ITPRID1: variants seen among roughly 807,000 people sequenced by gnomAD.
ITPRID1 encodes protein ITPRID1.
ITPRID1 carries 96 observed loss-of-function variants against 95.4 expected under a neutral mutation model. The ratio of observed to expected loss-of-function variants is 1.01; its 90% confidence interval spans 0.85 to 1.19. ITPRID1 has a LOEUF of 1.19. ITPRID1 is among the 50% of genes most tolerant of loss of function. The probability of loss-of-function intolerance (pLI) is 0.00; values close to 1 mark genes in which losing one functional copy is unlikely to be tolerated. For missense variants in ITPRID1, 1,339 were observed against 1,252.9 expected (o/e 1.07, Z -1.04); for synonymous variants, 510 against 453.6 (o/e 1.12, Z -1.58).
chr7:31,604,510 C>A (rs1786531730), intron 10 of ITPRID1, among the ~76,000 whole-genome samples: 1 of 152,102 alleles, frequency 6.6e-6, no homozygotes, highest in African/African-American at 2.4e-5. Context: ...AGAGAAAACC[C>A]TTCTGTTCTA....
Position 31,578,661 on chromosome 7 carries a change from C to T in ITPRID1, c.1170+227C>T, listed in dbSNP as rs537632182. ...CCAGTATCTTTCCTTTCTTCTTGCT[C>T]GCAGTTGAATCCGTGGGTCATTTCT... On this transcript the variant is annotated intron_variant, in intron 9 of 14. Coordinates refer to ENST00000615280, the MANE Select transcript of ITPRID1 (RefSeq NM_001257967.3). Among the ~76,000 whole-genome samples, 6 of 152,248 alleles carry T rather than the reference C, an allele frequency of 3.9e-5. No homozygotes were observed. The East Asian group carries it at 5.8e-4, about 15-fold the overall frequency.
intron 10 of ITPRID1, among the ~76,000 whole-genome samples, chr7:31,594,783 G>C (rs1202403716): frequency 6.6e-6 from 1 of 151,994 alleles, no homozygotes; most frequent in East Asian, 1.9e-4. Context: ...CTCGAACTTG[G>C]GAGGCAGAGG....
Position 31,522,678 on chromosome 7 carries a change from C to T in ITPRID1, c.-98+8558C>T, listed in dbSNP as rs189142112. On this transcript the variant is annotated intron_variant, in intron 1 of 14. Coordinates refer to ENST00000615280, the MANE Select transcript of ITPRID1 (RefSeq NM_001257967.3). Reference sequence around the variant, plus strand: ...AATGTCTTTCCCTGAATATCCTAGGCATGTTTTCATGATGCTAGGCATTAG... The same window carrying T: ...AATGTCTTTCCCTGAATATCCTAGGTATGTTTTCATGATGCTAGGCATTAG... Among the ~76,000 whole-genome samples the T allele has an allele frequency of 2.6e-3, 396 of 152,248 alleles. 1 individual carries two copies. The highest frequency in any genetic ancestry group is 8.8e-3 in the African/African-American group (367 of 41,540).
intron 1 of ITPRID1, among the ~76,000 whole-genome samples, chr7:31,547,583 A>G (rs1396999968): frequency 6.6e-6 from 1 of 152,086 alleles, no homozygotes; most frequent in East Asian, 1.9e-4. Context: ...CGATATGGGG[A>G]CTATAGGAAC....
At chr7:31,567,938 T>C (rs2128142150) in intron 5 of ITPRID1, among the ~76,000 whole-genome samples, 1 of 152,222 alleles carries the variant, frequency 6.6e-6, no homozygotes, top group African/African-American at 2.4e-5. Context: ...CCAGCCTGGC[T>C]AACATGGTGA....
chr7:31,649,309 C>G (rs1354233829), intron 12 of ITPRID1, among the ~76,000 whole-genome samples: 1 of 152,148 alleles, frequency 6.6e-6, no homozygotes, highest in Non-Finnish European at 1.5e-5. Flanking sequence ...TAAGAAATCT[C>G]AGACTTCCTA....
chr7:31,518,349 G>A (rs186281416), intron 1 of ITPRID1: 1 of 152,208 alleles, frequency 6.6e-6, no homozygotes, highest in Non-Finnish European at 1.5e-5. Flanking sequence ...TAATAAATGT[G>A]TGTTGCCTAA....
At chr7:31,641,518 C>G (rs1790016854) in intron 10 of ITPRID1, among the ~76,000 whole-genome samples, 2 of 152,152 alleles carry the variant, frequency 1.3e-5, no homozygotes, top group Non-Finnish European at 2.9e-5. Context: ...TGGTGACACT[C>G]TGGTAGCCAA....
At chr7:31,577,801 G>A (rs1006675432) in intron 8 of ITPRID1, 62 bp from the exon 9 acceptor site, 12 of 1,384,216 alleles carry the variant, frequency 8.7e-6, no homozygotes, top group South Asian at 3.0e-5. Context: ...TTTTGACTAC[G>A]TTAATATGGT....
At chr7:31,529,100 T>C (rs184701222) in intron 1 of ITPRID1, among the ~76,000 whole-genome samples, 2 of 152,326 alleles carry the variant, frequency 1.3e-5, no homozygotes, top group African/African-American at 4.8e-5. Flanking sequence ...ATTCTATGGA[T>C]GATAAGACTG....
At chr7:31,637,270 T>G (rs941501540) in intron 10 of ITPRID1, among the ~76,000 whole-genome samples, 1 of 152,164 alleles carries the variant, frequency 6.6e-6, no homozygotes, top group African/African-American at 2.4e-5. Context: ...GATGGCTGGG[T>G]CAAATGGTAT....
At chr7:31,614,709 T>C (rs1787042520) in intron 10 of ITPRID1, among the ~76,000 whole-genome samples, 2 of 152,180 alleles carry the variant, frequency 1.3e-5, no homozygotes, top group African/African-American at 2.4e-5. Flanking sequence ...TAGAGCGTTG[T>C]GGCACAGTGA....
chr7:31,556,827 C>T (rs1256249528), intron 5 of ITPRID1, among the ~76,000 whole-genome samples: 1 of 152,010 alleles, frequency 6.6e-6, no homozygotes, highest in Non-Finnish European at 1.5e-5. Context: ...TGGTTTTAAG[C>T]ACCAAGTTCT....
intron 5 of ITPRID1, among the ~76,000 whole-genome samples, chr7:31,565,176 ACT>A (rs1784754509): frequency 6.6e-6 from 1 of 152,078 alleles, no homozygotes; most frequent in Non-Finnish European, 1.5e-5. Context: ...CAGGAAGTAA[ACT>A]CACAGTAACG....
intron 1 of ITPRID1, among the ~76,000 whole-genome samples, chr7:31,541,598 A>G (rs1783934982): frequency 6.6e-6 from 1 of 152,192 alleles, no homozygotes; most frequent in Non-Finnish European, 1.5e-5. Context: ...GGAGTCTCCC[A>G]TACTTTGGAG....
chr7:31,643,778 C>T lies in ITPRID1; in HGVS notation c.2408C>T (p.Ala803Val), dbSNP rs1418973440. Residue 803 changes from alanine (A) to valine (V), a missense_variant, in exon 12 of 15, where the codon GCC (alanine) becomes GTC (valine). Ala to Val is a moderately conservative substitution (Grantham distance 64). Transcript: ENST00000615280. ...CPMGTCHAIP[A>V]HCCICCHHHP... ...ATGGGCACCTGCCATGCTATACCTGCCCACTGCTGCATCTGCTGTCATCAC... is the reference window on the plus strand; with the variant it reads ...ATGGGCACCTGCCATGCTATACCTGTCCACTGCTGCATCTGCTGTCATCAC... 2 of 1,614,000 alleles carry T rather than the reference C, an allele frequency of 1.2e-6. No individual in the cohort carries two copies. Among genetic ancestry groups the T allele is most frequent in the South Asian group, 1.1e-5 (1 of 91,084 alleles).
At chr7:31,529,620 C>T (rs1007618177) in intron 1 of ITPRID1, 4 of 600,380 alleles carry the variant, frequency 6.7e-6, no homozygotes, top group East Asian at 2.8e-5. Context: ...GGCAAACAGA[C>T]TGTCTTGGCT....
intron 12 of ITPRID1, among the ~76,000 whole-genome samples, chr7:31,644,345 C>A (rs1302860601): frequency 6.6e-6 from 1 of 152,174 alleles, no homozygotes; most frequent in Non-Finnish European, 1.5e-5. Flanking sequence ...GCCATTTAAT[C>A]TTTTTGTAAA....
chr7:31,523,054 A>G (rs1484627015), intron 1 of ITPRID1, among the ~76,000 whole-genome samples: 1 of 152,214 alleles, frequency 6.6e-6, no homozygotes, highest in Non-Finnish European at 1.5e-5. Flanking sequence ...GGGCTAATGT[A>G]AGTTTTAAAT....
Sources: gnomAD v4.1 joint callset for allele counts (sites outside exome capture counted in the v4.1 genomes callset) on GRCh38, gnomAD v4.1.1 for gene constraint, MANE v1.5 for transcripts, NCBI Gene and HGNC (gene_info 2026-07-23, HGNC 2026-07-21) for gene names.